Variants in CCDC102B observed in about 807,000 individuals in gnomAD.
CCDC102B encodes coiled-coil domain-containing protein 102B.
In CCDC102B, 75 loss-of-function variants were observed where a neutral mutation model predicts 57.4. That is an observed-to-expected ratio of 1.31 (90% confidence interval 1.08 to 1.58). The LOEUF (loss-of-function observed/expected upper bound fraction) is 1.58. CCDC102B is among the 40% of genes most tolerant of loss of function. CCDC102B has a pLI of 0.00. For synonymous variants in CCDC102B, 206 were observed against 201.9 expected, an observed-to-expected ratio of 1.02 and a Z score of -0.17; for missense variants, 636 against 582.6, an observed-to-expected ratio of 1.09 and a Z score of -0.94.
At chr18:68,786,766 T>A (rs2144648584) in intron 2 of CCDC102B, among the ~76,000 whole-genome samples, 1 of 150,662 alleles carries the variant, frequency 6.6e-6, no homozygotes, top group East Asian at 1.9e-4. Flanking sequence ...AATCATGTCG[T>A]CTGCAAACAG....
chr18:68,979,846 T>C (rs953821610), intron 6 of CCDC102B, among the ~76,000 whole-genome samples: 4 of 152,022 alleles, frequency 2.6e-5, no homozygotes, highest in African/African-American at 9.7e-5. Context: ...CTAAAAGGCC[T>C]AAAAAGTCAT....
chr18:68,971,489 A>G (rs886322636), intron 6 of CCDC102B, among the ~76,000 whole-genome samples: 1 of 152,264 alleles, frequency 6.6e-6, no homozygotes, highest in Non-Finnish European at 1.5e-5. Context: ...CTGCATGATC[A>G]CTTGCTGTAT....
chr18:68,792,753 C>CT (rs1254055158), intron 2 of CCDC102B, among the ~76,000 whole-genome samples: 1 of 152,094 alleles, frequency 6.6e-6, no homozygotes, highest in Non-Finnish European at 1.5e-5. Context: ...AAGATCTCTT[C>CT]TTTTTTCTGC....
At chr18:68,989,588 G>T (rs1184666461) in intron 6 of CCDC102B, among the ~76,000 whole-genome samples, 1 of 152,186 alleles carries the variant, frequency 6.6e-6, no homozygotes, top group East Asian at 1.9e-4. Context: ...TCAATTATCG[G>T]ATTCCATCCC....
chr18:68,942,357 T>C (rs1412092217), intron 6 of CCDC102B, among the ~76,000 whole-genome samples: 29 of 151,804 alleles, frequency 1.9e-4, no homozygotes, highest in Admixed American at 1.9e-3. Context: ...AGACACAAAG[T>C]ATAGAGAAAG....
chr18:68,771,916 G>A (rs989190898), intron 2 of CCDC102B, among the ~76,000 whole-genome samples: 6 of 134,702 alleles, frequency 4.5e-5, no homozygotes, highest in South Asian at 5.0e-4. Flanking sequence ...ACATCTTCTG[G>A]AAATAAAGAT....
At chr18:68,959,416 G>A (rs887102630) in intron 6 of CCDC102B, among the ~76,000 whole-genome samples, 1 of 152,092 alleles carries the variant, frequency 6.6e-6, no homozygotes, top group African/African-American at 2.4e-5. Flanking sequence ...AAGCATCTTT[G>A]AGGCCACCAT....
At chr18:68,810,830 T>C (rs1466270723) in intron 1 of CCDC102B, among the ~76,000 whole-genome samples, 8 of 152,008 alleles carry the variant, frequency 5.3e-5, no homozygotes, top group Non-Finnish European at 1.0e-4. Context: ...CCTAATGCTA[T>C]CCCTCCCCTT....
At chr18:68,926,539 C>T (rs2041481497) in intron 6 of CCDC102B, among the ~76,000 whole-genome samples, 1 of 151,734 alleles carries the variant, frequency 6.6e-6, no homozygotes, top group African/African-American at 2.4e-5. Context: ...CTTTTAGAAA[C>T]ACCTGCAATA....
At chr18:68,946,342 C>T (rs1047283891) in intron 6 of CCDC102B, among the ~76,000 whole-genome samples, 1 of 152,002 alleles carries the variant, frequency 6.6e-6, no homozygotes, top group African/African-American at 2.4e-5. Flanking sequence ...CATGAACACA[C>T]ACATATATAA....
intron 7 of CCDC102B, among the ~76,000 whole-genome samples, chr18:69,034,722 T>A (rs2052241263): frequency 6.6e-6 from 1 of 151,372 alleles, no homozygotes; most frequent in Non-Finnish European, 1.5e-5. Flanking sequence ...ATTATTATTA[T>A]TATAAAGACA....
chr18:68,728,972 T>C (rs2032732754), intron 2 of CCDC102B, among the ~76,000 whole-genome samples: 1 of 151,812 alleles, frequency 6.6e-6, no homozygotes, highest in Admixed American at 6.6e-5. Flanking sequence ...TCTGCGGGAG[T>C]AAATTTAAAA....
intron 5 of CCDC102B, among the ~76,000 whole-genome samples, chr18:68,888,289 T>C (rs960056541): frequency 1.3e-5 from 2 of 152,276 alleles, no homozygotes; most frequent in Non-Finnish European, 2.9e-5. Context: ...TCTTCCTAAT[T>C]GCTTTTTAGT....
chr18:68,844,860 C>T (rs939151712), intron 3 of CCDC102B, among the ~76,000 whole-genome samples: 2 of 151,792 alleles, frequency 1.3e-5, no homozygotes, highest in African/African-American at 4.8e-5. Context: ...AAATTGTGAC[C>T]GCTGTGGTTA....
chr18:68,813,366 G>A (rs1027882652), intron 1 of CCDC102B, among the ~76,000 whole-genome samples: 26 of 151,994 alleles, frequency 1.7e-4, no homozygotes, highest in East Asian at 3.9e-4. Context: ...ATAGCAGCAC[G>A]AGAACCAACT....
At chr18:68,887,703 C>T (rs953758818) in intron 5 of CCDC102B, among the ~76,000 whole-genome samples, 2 of 152,210 alleles carry the variant, frequency 1.3e-5, no homozygotes, top group African/African-American at 4.8e-5. Flanking sequence ...ATGTTGCTAT[C>T]ACAACTAACA....
Position 69,054,762 on chromosome 18 carries a change from G to A in CCDC102B, c.*625G>A, listed in dbSNP as rs2145507538. On this transcript the variant is annotated 3_prime_UTR_variant, in exon 8 of 8. Coordinates refer to ENST00000360242, the MANE Select transcript of CCDC102B (RefSeq NM_024781.3). ...GAATCTAAGACAGGCTGTAAGCATCGCTGAGAAACTAAAAGGACTTTTGAC... is the reference window on the plus strand; with the variant it reads ...GAATCTAAGACAGGCTGTAAGCATCACTGAGAAACTAAAAGGACTTTTGAC... 7.1e-6 allele frequency: 7 copies of A among 985,242 alleles called. No individual in the cohort carries two copies. Among genetic ancestry groups the A allele is most frequent in the African/African-American group, 1.7e-5 (1 of 57,320 alleles). 61.0% of individuals were successfully genotyped at this position (985,242 alleles called of 1,614,324 possible).
intron 2 of CCDC102B, among the ~76,000 whole-genome samples, chr18:68,784,464 G>A (rs1448091047): frequency 6.6e-6 from 1 of 151,888 alleles, no homozygotes; most frequent in African/African-American, 2.4e-5. Flanking sequence ...CCAACACTGG[G>A]GATTACAATT....
intron 7 of CCDC102B, among the ~76,000 whole-genome samples, chr18:69,020,725 A>C (rs924023084): frequency 1.3e-5 from 2 of 152,228 alleles, no homozygotes; most frequent in African/African-American, 4.8e-5. Flanking sequence ...GTCAACATGC[A>C]AATAATAACT....
Sources: allele counts gnomAD v4.1 joint callset (sites outside exome capture counted in the v4.1 genomes callset), GRCh38; gene constraint gnomAD v4.1.1; transcripts MANE v1.5; gene names NCBI Gene and HGNC (gene_info 2026-07-23, HGNC 2026-07-21).